The following MED13 variants were observed in gnomAD, a reference collection of about 807,000 sequenced individuals.
MED13 encodes the protein mediator complex subunit 13.
Under a neutral mutation model 225.2 loss-of-function variants are expected in MED13, and 23 were observed. The ratio of observed to expected loss-of-function variants is 0.10; its 90% CI spans 0.07 to 0.14. The LOEUF (loss-of-function observed/expected upper bound fraction) is 0.14, where lower values mean the gene tolerates loss of function less well. MED13 is among the 10% of genes least tolerant of loss of function. The probability of loss-of-function intolerance (pLI) is 1.00; values close to 1 mark genes in which losing one functional copy is unlikely to be tolerated. For synonymous variants in MED13, 942 were observed against 889.2 expected, an observed-to-expected ratio of 1.06 and a Z score of -1.06; for missense variants, 2,197 against 2,594.5, an observed-to-expected ratio of 0.85 and a Z score of 3.33.
chr17:62,010,216 C>CA (rs759874676), intron 9 of MED13, among the ~76,000 whole-genome samples: 2,472 of 89,504 alleles, frequency 0.028, 63 homozygotes, highest in African/African-American at 0.089. Context: ...GACTCTGTCT[C>CA]AAAAAAAAAA....
rs890838691 is a variant in MED13, at chr17:61,982,347, T to A, written c.3656A>T (p.Asn1219Ile). The part of the protein sequence containing the change: ...DPFPKSGVIS[N>I]WVRVEERDCC... Reference sequence around the variant, plus strand: ...GTCACGCTCTTCAACACGTACCCAATTGCTAATTACACCACTTTTAGGAAA... The same window carrying A: ...GTCACGCTCTTCAACACGTACCCAAATGCTAATTACACCACTTTTAGGAAA... The change falls in exon 16 of 30, where the codon AAT becomes ATT. Residue 1219 changes from asparagine (N) to isoleucine (I), a missense_variant. Physicochemically the swap from Asn to Ile is moderately radical, Grantham distance 149 (BLOSUM62 -3). This residue lies in a region of MED13 where 203 missense variants were observed against 209.7 expected (regional missense o/e 0.97). Transcript: ENST00000397786. The A allele has an allele frequency of 6.2e-7, 1 of 1,614,178 alleles. No homozygotes were observed. Among genetic ancestry groups the A allele is most frequent in the Non-Finnish European group, 8.5e-7 (1 of 1,180,030 alleles).
At position 61,983,124 on chromosome 17, in the gene MED13, C is replaced by T; in HGVS notation, c.2889-10G>A. On this transcript the variant is annotated splice_polypyrimidine_tract_variant and intron_variant, in intron 15 of 29. Coordinates refer to ENST00000397786, the MANE Select transcript of MED13 (RefSeq NM_005121.3). ...CATATTACTTCCATCACTATCATCA[C>T]CAGGGTAAAAGAAGATCAAATATAT... is the stretch of plus-strand genomic sequence containing the variant. The T allele has an allele frequency of 1.9e-6, 3 of 1,579,648 alleles. No homozygotes were observed. The highest frequency in any genetic ancestry group is 2.6e-6 in the Non-Finnish European group (3 of 1,160,540).
At chr17:61,965,580 T>C (rs1239562603) in intron 19 of MED13, 112 bp from the exon 20 acceptor site, 17 of 1,120,034 alleles carry the variant, frequency 1.5e-5, no homozygotes, top group East Asian at 2.6e-5. Flanking sequence ...TTGGTAATTA[T>C]AGCCCCGAAA....
At chr17:62,046,036 C>A (rs2080894566) in intron 3 of MED13, among the ~76,000 whole-genome samples, 1 of 152,136 alleles carries the variant, frequency 6.6e-6, no homozygotes, top group African/African-American at 2.4e-5. Flanking sequence ...CATAAATTTT[C>A]TTTCTTTACA....
At chr17:61,984,936 T>A in intron 13 of MED13, 64 bp downstream of exon 13, 1 of 1,593,026 alleles carries the variant, frequency 6.3e-7, no homozygotes, top group Non-Finnish European at 8.6e-7. Context: ...CCAAAAGGAG[T>A]GGGGAGCTTT....
intron 17 of MED13, among the ~76,000 whole-genome samples, chr17:61,971,816 C>A (rs1349380559): frequency 6.6e-6 from 1 of 151,892 alleles, no homozygotes; most frequent in Non-Finnish European, 1.5e-5. Context: ...CACCCATACT[C>A]CCAGCTGTTC....
intron 8 of MED13, among the ~76,000 whole-genome samples, chr17:62,014,980 A>C (rs2080548858): frequency 6.6e-6 from 1 of 152,240 alleles, no homozygotes; most frequent in South Asian, 2.1e-4. Flanking sequence ...AAGTAAAATT[A>C]CATGACAAGT....
At chr17:61,949,019 C>T (rs1156803737) in intron 28 of MED13, among the ~76,000 whole-genome samples, 1 of 149,260 alleles carries the variant, frequency 6.7e-6, no homozygotes, top group Admixed American at 6.6e-5. Flanking sequence ...ACCCGGGAGG[C>T]GGAGCTTGCA....
intron 8 of MED13, among the ~76,000 whole-genome samples, chr17:62,022,257 C>T (rs1340171836): frequency 6.0e-5 from 9 of 151,236 alleles, no homozygotes; most frequent in East Asian, 3.9e-4. Flanking sequence ...ATAGCAGGAG[C>T]TTTGTTAGCT....
chr17:62,017,316 T>C (rs1478808674), intron 8 of MED13, among the ~76,000 whole-genome samples: 3 of 150,054 alleles, frequency 2.0e-5, no homozygotes, highest in African/African-American at 7.3e-5. Context: ...GACTCTAACT[T>C]TAGACTTTAA....
chr17:61,955,204 C>T (rs964616202), intron 26 of MED13, 178 bp downstream of exon 26: 1 of 466,504 alleles, frequency 2.1e-6, no homozygotes, highest in Non-Finnish European at 3.7e-6. Flanking sequence ...CATGTTATCG[C>T]ATTAAGGGCC....
intron 9 of MED13, among the ~76,000 whole-genome samples, chr17:61,995,685 T>C (rs1422702506): frequency 6.6e-6 from 1 of 152,228 alleles, no homozygotes; most frequent in Non-Finnish European, 1.5e-5. Flanking sequence ...ATCCATTCCC[T>C]GAAAGGGGCT....
chr17:62,043,015 G>C (rs1433767227), intron 3 of MED13, among the ~76,000 whole-genome samples: 1 of 151,778 alleles, frequency 6.6e-6, no homozygotes, highest in Non-Finnish European at 1.5e-5. Flanking sequence ...AACTTAGTCA[G>C]GTGTGGTGGT....
At chr17:61,968,420 C>T (rs1603393654) in intron 17 of MED13, among the ~76,000 whole-genome samples, 162 bp from the exon 18 acceptor site, 1 of 152,146 alleles carries the variant, frequency 6.6e-6, no homozygotes, top group Non-Finnish European at 1.5e-5. Flanking sequence ...CCGCCTCCCG[C>T]GTTCACGCCA....
In MED13 at chr17:61,963,263, G is replaced by A. The variant is rs1422990141; in HGVS notation, c.4845-292C>T. 7.9e-5 allele frequency among the ~76,000 whole-genome samples: 5 copies of A among 63,202 alleles called. No homozygotes were observed. In the East Asian group the frequency reaches 6.6e-3, roughly 84 times the overall value. 41.5% of individuals were successfully genotyped at this position (63,202 alleles called of 152,430 possible). A position where few individuals can be genotyped will look rare whatever the true frequency, so the allele number is the denominator to read the frequency against. On this transcript the variant is annotated intron_variant, in intron 20 of 29. Coordinates refer to ENST00000397786, the MANE Select transcript of MED13 (RefSeq NM_005121.3). ...AAGAAAAAAAATTCTTAAAACCATA[G>A]GGTAAGGGTATTAGATACAAAAGAT...
chr17:61,974,457 C>T (rs374393695), intron 16 of MED13, among the ~76,000 whole-genome samples: 57 of 152,078 alleles, frequency 3.7e-4, no homozygotes, highest in African/African-American at 1.3e-3. Context: ...AAGTACTATG[C>T]TTATTACCTG....
Position 61,942,972 on chromosome 17 carries a change from C to T in MED13, c.*3496G>A, listed in dbSNP as rs1404346896. 6.6e-6 allele frequency: 1 copy of T among 152,520 alleles called. No individual in the cohort carries two copies. The highest frequency in any genetic ancestry group is 6.6e-5 in the Admixed American group (1 of 15,266). 9.4% of individuals were successfully genotyped at this position (152,520 alleles called of 1,614,324 possible). ...TTTGAAAACTAAAGATGTTTTAAAA[C>T]TTCATGAATACATCAACCTGAGGAG... On this transcript the variant is annotated 3_prime_UTR_variant, in exon 30 of 30. Coordinates refer to ENST00000397786, the MANE Select transcript of MED13 (RefSeq NM_005121.3).
chr17:62,012,327 C>CTTTT (rs60421231), intron 8 of MED13, among the ~76,000 whole-genome samples: 2 of 129,642 alleles, frequency 1.5e-5, no homozygotes, highest in Non-Finnish European at 3.2e-5. Flanking sequence ...CACTAAGAAA[C>CTTTT]TTTTTTTTTT....
chr17:61,964,011 G>A (rs951691874), intron 20 of MED13, among the ~76,000 whole-genome samples: 3 of 152,080 alleles, frequency 2.0e-5, no homozygotes, highest in Non-Finnish European at 4.4e-5. Flanking sequence ...GAGTTTCCCC[G>A]AAGTCACAAA....
Sources: allele counts gnomAD v4.1 joint callset (sites outside exome capture counted in the v4.1 genomes callset), GRCh38; gene constraint gnomAD v4.1.1; regional missense constraint gnomAD v4.1.1; transcripts MANE v1.5; gene names NCBI Gene and HGNC (gene_info 2026-07-23, HGNC 2026-07-21).